Variants in IL1RAPL1 observed in about 807,000 individuals in gnomAD.
IL1RAPL1 encodes the protein interleukin 1 receptor accessory protein like 1.
Under a neutral mutation model 48.4 loss-of-function variants are expected in IL1RAPL1, and 3 were observed. That is an observed-to-expected ratio of 0.06 (90% CI 0.03 to 0.16). IL1RAPL1 has a LOEUF of 0.16. Among genes scored for constraint, IL1RAPL1 ranks in the 10% least tolerant of loss-of-function variants. IL1RAPL1 has a pLI of 1.00. For missense variants in IL1RAPL1, 349 were observed against 530.6 expected, an observed-to-expected ratio of 0.66 and a Z score of 3.36; for synonymous variants, 185 against 187.7, an observed-to-expected ratio of 0.99 and a Z score of 0.12.
At chrX:28,760,793 G>A (rs758482348) in intron 1 of IL1RAPL1, among the ~76,000 whole-genome samples, 9 of 110,940 alleles carry the variant, frequency 8.1e-5, no homozygotes, top group Non-Finnish European at 1.3e-4. Context: ...TTATTAAAAA[G>A]TCAAAAAAGA....
At chrX:29,241,236 T>A (rs928275703) in intron 2 of IL1RAPL1, among the ~76,000 whole-genome samples, 1 of 111,978 alleles carries the variant, frequency 8.9e-6, no homozygotes, top group Non-Finnish European at 1.9e-5. Flanking sequence ...TGGATTTTGG[T>A]AACTCCCTTT....
chrX:28,735,399 A>G (rs1048350679), intron 1 of IL1RAPL1, among the ~76,000 whole-genome samples: 4 of 102,567 alleles, frequency 3.9e-5, no homozygotes, highest in Non-Finnish European at 7.9e-5. Context: ...CTTTCTGGTA[A>G]TGCAATGTAC....
intron 6 of IL1RAPL1, among the ~76,000 whole-genome samples, chrX:29,711,847 A>G (rs755758664): frequency 9.0e-6 from 1 of 111,716 alleles, no homozygotes. Flanking sequence ...TTAATGAGAA[A>G]TATAAACGAT....
chrX:28,946,246 ATCTT>A (rs966684064), intron 2 of IL1RAPL1, among the ~76,000 whole-genome samples: 1 of 110,765 alleles, frequency 9.0e-6, no homozygotes, highest in Non-Finnish European at 1.9e-5. Flanking sequence ...TCATTCGGTT[ATCTT>A]TCTGTCTACA....
intron 2 of IL1RAPL1, among the ~76,000 whole-genome samples, chrX:29,098,143 A>G (rs967752135): frequency 8.9e-6 from 1 of 111,922 alleles, no homozygotes; most frequent in African/African-American, 3.2e-5. Context: ...GATGAGGGTT[A>G]TGTCTACAGT....
intron 1 of IL1RAPL1, among the ~76,000 whole-genome samples, chrX:28,590,599 T>G (rs1455679431): frequency 8.9e-6 from 1 of 111,861 alleles, no homozygotes; most frequent in Non-Finnish European, 1.9e-5. Context: ...TGAATTTAAC[T>G]CCTGATTCCT....
chrX:29,541,256 C>G (rs1458110148), intron 5 of IL1RAPL1, among the ~76,000 whole-genome samples: 1 of 111,614 alleles, frequency 9.0e-6, no homozygotes. Context: ...GTCAGAATGG[C>G]TGTTATTAAA....
chrX:29,386,307 T>A (rs1241633122), intron 3 of IL1RAPL1, among the ~76,000 whole-genome samples: 1 of 111,252 alleles, frequency 9.0e-6, no homozygotes, highest in African/African-American at 3.3e-5. Context: ...GGATTACAGA[T>A]GTGAGCCACC....
intron 1 of IL1RAPL1, among the ~76,000 whole-genome samples, chrX:28,721,160 G>A (rs1211282599): frequency 9.0e-6 from 1 of 111,532 alleles, no homozygotes; most frequent in African/African-American, 3.3e-5. Context: ...GATCCTTGAG[G>A]AATCACCACA....
chrX:29,787,953 C>G (rs1422219320), intron 6 of IL1RAPL1, among the ~76,000 whole-genome samples: 1 of 111,910 alleles, frequency 8.9e-6, no homozygotes, highest in Non-Finnish European at 1.9e-5. Context: ...TGTCAAAGCA[C>G]TGATTTTAAT....
intron 2 of IL1RAPL1, among the ~76,000 whole-genome samples, chrX:29,156,939 G>GA (rs1426038665): frequency 8.9e-6 from 1 of 111,927 alleles, no homozygotes; most frequent in East Asian, 2.8e-4. Context: ...TGGATTTCTT[G>GA]AAAAGTAGTT....
intron 5 of IL1RAPL1, among the ~76,000 whole-genome samples, chrX:29,612,593 G>T (rs988425005): frequency 1.3e-4 from 15 of 111,137 alleles, no homozygotes; most frequent in Middle Eastern, 4.7e-3. Flanking sequence ...CTAGTACAAG[G>T]ATCCTAGACT....
intron 5 of IL1RAPL1, among the ~76,000 whole-genome samples, chrX:29,521,930 T>C (rs1935507293): frequency 9.0e-6 from 1 of 111,685 alleles, no homozygotes; most frequent in African/African-American, 3.3e-5. Flanking sequence ...TCCAATTACC[T>C]GCAAGTTTGC....
chrX:29,667,592 A>G (rs1926032968), intron 5 of IL1RAPL1, among the ~76,000 whole-genome samples: 2 of 112,081 alleles, frequency 1.8e-5, no homozygotes, highest in Admixed American at 9.5e-5. Context: ...AGGAGGCTAG[A>G]TGAAGGAGAG....
At chrX:28,758,950 G>A (rs1484792837) in intron 1 of IL1RAPL1, among the ~76,000 whole-genome samples, 4 of 112,050 alleles carry the variant, frequency 3.6e-5, no homozygotes, top group African/African-American at 1.3e-4. Flanking sequence ...AGTATACATT[G>A]TCCTGGCTGG....
chrX:29,724,144 G>T (rs1251020589), intron 6 of IL1RAPL1, among the ~76,000 whole-genome samples: 1 of 111,383 alleles, frequency 9.0e-6, no homozygotes, highest in Non-Finnish European at 1.9e-5. Context: ...TTAATATGAA[G>T]ATATTGTTAT....
intron 5 of IL1RAPL1, among the ~76,000 whole-genome samples, chrX:29,451,215 TCTTA>T (rs1376339799): frequency 9.3e-6 from 1 of 107,026 alleles, no homozygotes; most frequent in Non-Finnish European, 1.9e-5. Context: ...TGAGAAGGAG[TCTTA>T]CTCTGTTGCC....
chrX:29,545,874 T>G (rs1459122995), intron 5 of IL1RAPL1, among the ~76,000 whole-genome samples: 2 of 112,217 alleles, frequency 1.8e-5, no homozygotes, highest in Non-Finnish European at 3.8e-5. Context: ...TGTTTCTATC[T>G]TAATGTTACT....
intron 2 of IL1RAPL1, among the ~76,000 whole-genome samples, chrX:29,257,557 T>C (rs1219609628): frequency 1.8e-5 from 2 of 111,734 alleles, no homozygotes; most frequent in African/African-American, 6.5e-5. Flanking sequence ...CCCTAACGGA[T>C]GGGATGAGAT....
Sources: allele counts gnomAD v4.1 joint callset (sites outside exome capture counted in the v4.1 genomes callset), GRCh38; gene constraint gnomAD v4.1.1; transcripts MANE v1.5; gene names NCBI Gene and HGNC (gene_info 2026-07-23, HGNC 2026-07-21).